The following SSBP2 variants were observed in gnomAD, a reference collection of about 807,000 sequenced individuals.
SSBP2 encodes the protein single stranded DNA binding protein 2.
A neutral mutation model predicts 61.8 loss-of-function variants in SSBP2; 17 were observed. The observed-to-expected ratio is 0.28, with a 90% CI of 0.19 to 0.41. The LOEUF is 0.41. Ranked by LOEUF, SSBP2 falls within the 10% of genes least tolerant of loss-of-function variation. SSBP2 has a pLI of 1.00. For missense variants in SSBP2, 310 were observed against 458.7 expected, an observed-to-expected ratio of 0.68 and a Z score of 2.96; for synonymous variants, 139 against 141.3, an observed-to-expected ratio of 0.98 and a Z score of 0.12.
At chr5:81,613,016 A>G (rs1745607698) in intron 4 of SSBP2, among the ~76,000 whole-genome samples, 1 of 152,124 alleles carries the variant, frequency 6.6e-6, no homozygotes. Flanking sequence ...AATTACCATA[A>G]AAGAAATTAA....
At chr5:81,622,544 G>T (rs931095932) in intron 3 of SSBP2, among the ~76,000 whole-genome samples, 13 of 152,294 alleles carry the variant, frequency 8.5e-5, no homozygotes, top group Admixed American at 4.6e-4. Flanking sequence ...ATAAAATGGG[G>T]TTGCTGAGAA....
intron 4 of SSBP2, among the ~76,000 whole-genome samples, chr5:81,550,985 A>G (rs1460573167): frequency 6.6e-6 from 1 of 151,308 alleles, no homozygotes. Context: ...AGTCCCACCT[A>G]CTCAGGAGGC....
At chr5:81,615,635 C>T (rs946200077) in intron 3 of SSBP2, 78 bp from the exon 4 acceptor site, 18 of 963,920 alleles carry the variant, frequency 1.9e-5, no homozygotes, top group Non-Finnish European at 2.7e-5. Context: ...AAGTAGAAGA[C>T]ATGTTTTTCT....
intron 2 of SSBP2, 59 bp from the exon 3 acceptor site, chr5:81,636,677 A>T: frequency 8.0e-7 from 1 of 1,245,200 alleles, no homozygotes; most frequent in Non-Finnish European, 1.2e-6. Context: ...CACATATTAC[A>T]AAGTAATAAT....
intron 1 of SSBP2, among the ~76,000 whole-genome samples, chr5:81,713,991 G>A (rs1379347187): frequency 6.6e-6 from 1 of 152,016 alleles, no homozygotes; most frequent in African/African-American, 2.4e-5. Context: ...ACATGCCGTG[G>A]TGGTTTGCTG....
At chr5:81,678,063 GA>G (rs554735522) in intron 1 of SSBP2, among the ~76,000 whole-genome samples, 39 of 152,272 alleles carry the variant, frequency 2.6e-4, no homozygotes, top group Admixed American at 2.2e-3. Flanking sequence ...GACTGAACAA[GA>G]ACCAGAACCA....
chr5:81,530,912 G>C (rs1770340461), intron 4 of SSBP2, among the ~76,000 whole-genome samples: 1 of 152,062 alleles, frequency 6.6e-6, no homozygotes, highest in African/African-American at 2.4e-5. Flanking sequence ...AACAAGTTTA[G>C]AAGTCAAGAA....
chr5:81,732,094 A>G (rs561169705), intron 1 of SSBP2, among the ~76,000 whole-genome samples: 1 of 152,234 alleles, frequency 6.6e-6, no homozygotes, highest in South Asian at 2.1e-4. Context: ...TAGAAATGCT[A>G]CATTAAAAGT....
At chr5:81,483,363 C>G (rs911089586) in intron 6 of SSBP2, among the ~76,000 whole-genome samples, 1 of 152,032 alleles carries the variant, frequency 6.6e-6, no homozygotes, top group African/African-American at 2.4e-5. Flanking sequence ...CCTTGACTAC[C>G]ATTATATAGT....
chr5:81,738,920 T>C (rs889343627), intron 1 of SSBP2, among the ~76,000 whole-genome samples: 1 of 152,062 alleles, frequency 6.6e-6, no homozygotes, highest in African/African-American at 2.4e-5. Context: ...ATCCCAGCAC[T>C]TTGGGTGGCT....
intron 6 of SSBP2, among the ~76,000 whole-genome samples, chr5:81,477,142 G>A (rs1296860900): frequency 6.6e-6 from 1 of 152,054 alleles, no homozygotes; most frequent in East Asian, 1.9e-4. Flanking sequence ...TTTCCCCAAG[G>A]GGCCTTAATT....
chr5:81,429,817 GAGAT>G (rs1329930687), intron 15 of SSBP2, among the ~76,000 whole-genome samples: 8 of 152,156 alleles, frequency 5.3e-5, no homozygotes, highest in Non-Finnish European at 1.0e-4. Context: ...ATGTAAAGCA[GAGAT>G]AGATAGATGA....
intron 4 of SSBP2, among the ~76,000 whole-genome samples, chr5:81,538,438 T>TGTAGAAGCTGC (rs1283040389): frequency 6.6e-6 from 1 of 152,138 alleles, no homozygotes; most frequent in Non-Finnish European, 1.5e-5. Flanking sequence ...TAAGTGCTGA[T>TGTAGAAGCTGC]GTAGAAGCTG....
rs115320131 is a variant in SSBP2 at position 81,615,410 on chromosome 5, T to C, written c.282+63A>G. 1,785 of 1,196,674 alleles carry C rather than the reference T, an allele frequency of 1.5e-3. 28 individuals carry two copies. The African/African-American group carries it at 0.023, about 15-fold the overall frequency. The allele number at this position is 1,196,674 out of a possible 1,614,324, so 74.1% of individuals were successfully genotyped here. Reference sequence around the variant, plus strand: ...AAGAATAGATGAGCCAGTGTATTTTTTAAGAGCAGTGGTTAAACAGAAAAC... The same window carrying C: ...AAGAATAGATGAGCCAGTGTATTTTCTAAGAGCAGTGGTTAAACAGAAAAC... On this transcript the variant is annotated intron_variant, in intron 4 of 16. Transcript: ENST00000320672.
intron 3 of SSBP2, among the ~76,000 whole-genome samples, chr5:81,626,714 G>A (rs994653820): frequency 2.6e-5 from 4 of 152,158 alleles, no homozygotes; most frequent in Non-Finnish European, 5.9e-5. Context: ...AGCTGCCAGG[G>A]ATCCGTGGAT....
At chr5:81,689,800 T>C (rs1055748404) in intron 1 of SSBP2, among the ~76,000 whole-genome samples, 2 of 152,108 alleles carry the variant, frequency 1.3e-5, no homozygotes, top group African/African-American at 2.4e-5. Context: ...CAGAAAAACA[T>C]AGAATATTGT....
intron 4 of SSBP2, among the ~76,000 whole-genome samples, chr5:81,552,757 T>C (rs1388713516): frequency 4.6e-5 from 7 of 152,040 alleles, no homozygotes; most frequent in Non-Finnish European, 7.4e-5. Context: ...AAATACAGTT[T>C]TGGATTCTTT....
At chr5:81,588,589 G>A (rs1219211727) in intron 4 of SSBP2, among the ~76,000 whole-genome samples, 3 of 151,802 alleles carry the variant, frequency 2.0e-5, no homozygotes, top group African/African-American at 7.3e-5. Flanking sequence ...CTTAAGGAAG[G>A]TAACTTTATC....
chr5:81,746,054 A>C (rs1046501754), intron 1 of SSBP2, among the ~76,000 whole-genome samples: 3 of 152,162 alleles, frequency 2.0e-5, no homozygotes, highest in Admixed American at 1.3e-4. Flanking sequence ...TGAAAGCGTG[A>C]AACTGAAAAC....
Sources: gnomAD v4.1 joint callset for allele counts (sites outside exome capture counted in the v4.1 genomes callset) on GRCh38, gnomAD v4.1.1 for gene constraint, MANE v1.5 for transcripts, NCBI Gene and HGNC (gene_info 2026-07-23, HGNC 2026-07-21) for gene names.